The following SDK1 variants were observed in gnomAD, a reference collection of about 807,000 sequenced individuals.
The protein encoded by SDK1 is protein sidekick-1.
In SDK1, 157 loss-of-function variants were observed where a neutral mutation model predicts 245.5. The observed-to-expected ratio is 0.64, with a 90% CI of 0.56 to 0.73. The LOEUF (loss-of-function observed/expected upper bound fraction) is 0.73. Among genes scored for constraint, SDK1 ranks in the 30% least tolerant of loss-of-function variants. The pLI, the probability that SDK1 is intolerant of heterozygous loss-of-function variation, is 0.00. For missense variants in SDK1, 3,583 were observed against 3,002.3 expected, an observed-to-expected ratio of 1.19 and a Z score of -4.52; for synonymous variants, 1,647 against 1,278.5, an observed-to-expected ratio of 1.29 and a Z score of -6.15.
chr7:4,027,073 G>A (rs1487326792), intron 17 of SDK1, among the ~76,000 whole-genome samples: 1 of 152,198 alleles, frequency 6.6e-6, no homozygotes, highest in Admixed American at 6.5e-5. Context: ...TGTGCTTCTT[G>A]CATCGTGGGG....
At chr7:4,075,883 G>C (rs7789457) in intron 20 of SDK1, among the ~76,000 whole-genome samples, 61,102 of 151,866 alleles carry the variant, frequency 0.4, 14,428 homozygotes, top group African/African-American at 0.66. Context: ...CAACTCCTGA[G>C]CTCAGGTGGT....
intron 1 of SDK1, among the ~76,000 whole-genome samples, chr7:3,556,018 A>G (rs747162124): frequency 4.6e-5 from 7 of 152,228 alleles, no homozygotes; most frequent in Middle Eastern, 3.2e-3. Context: ...AGGTTTCTCA[A>G]AAAAGTAAAA....
intron 14 of SDK1, among the ~76,000 whole-genome samples, chr7:3,998,355 G>T (rs1303515413): frequency 2.6e-5 from 4 of 152,266 alleles, no homozygotes; most frequent in Non-Finnish European, 2.9e-5. Context: ...AAAGGAACAT[G>T]ATACTGACTT....
chr7:4,154,619 A>T (rs1780604465), intron 30 of SDK1, among the ~76,000 whole-genome samples: 1 of 152,162 alleles, frequency 6.6e-6, no homozygotes, highest in East Asian at 1.9e-4. Flanking sequence ...GCTGTGTGCC[A>T]CGATCCACCC....
intron 17 of SDK1, among the ~76,000 whole-genome samples, chr7:4,032,274 T>C (rs181123846): frequency 6.6e-6 from 1 of 152,336 alleles, no homozygotes. Context: ...AGTTTTGATA[T>C]TTGCCAATAT....
At chr7:4,015,587 GAT>G (rs1786329854) in intron 16 of SDK1, among the ~76,000 whole-genome samples, 1 of 152,194 alleles carries the variant, frequency 6.6e-6, no homozygotes, top group African/African-American at 2.4e-5. Context: ...CTACGTCGGT[GAT>G]CTGAACACCA....
At chr7:3,785,011 A>G (rs1346374004) in intron 4 of SDK1, among the ~76,000 whole-genome samples, 1 of 152,252 alleles carries the variant, frequency 6.6e-6, no homozygotes, top group Non-Finnish European at 1.5e-5. Flanking sequence ...GTAATGGAAT[A>G]CTATTCATCC....
intron 1 of SDK1, among the ~76,000 whole-genome samples, chr7:3,344,936 C>A (rs940262479): frequency 6.6e-6 from 1 of 152,188 alleles, no homozygotes; most frequent in Non-Finnish European, 1.5e-5. Context: ...CACACAAGCA[C>A]AAATTGACCT....
intron 1 of SDK1, among the ~76,000 whole-genome samples, chr7:3,489,808 G>C (rs1273004327): frequency 2.0e-5 from 3 of 152,190 alleles, no homozygotes; most frequent in African/African-American, 7.2e-5. Flanking sequence ...AGTATACATG[G>C]TAAATGCAGC....
At chr7:4,199,327 G>A (rs192175908) in intron 35 of SDK1, among the ~76,000 whole-genome samples, 9 of 152,276 alleles carry the variant, frequency 5.9e-5, no homozygotes, top group African/African-American at 1.9e-4. Context: ...TCCGCAAGCC[G>A]CAGAGCCGGT....
At chr7:4,021,055 G>A (rs1786850517) in intron 17 of SDK1, among the ~76,000 whole-genome samples, 1 of 152,170 alleles carries the variant, frequency 6.6e-6, no homozygotes, top group Admixed American at 6.5e-5. Flanking sequence ...CCTACTGACA[G>A]TAACATCAAA....
At chr7:3,639,152 A>AGTGTC (rs1782566736) in intron 3 of SDK1, 42 bp downstream of exon 3, 1 of 1,153,456 alleles carries the variant, frequency 8.7e-7, no homozygotes, top group African/African-American at 1.5e-5. Context: ...TAAAGAACAA[A>AGTGTC]GTGTCGCTGG....
chr7:3,529,582 GA>G (rs972967992), intron 1 of SDK1, among the ~76,000 whole-genome samples: 8 of 152,060 alleles, frequency 5.3e-5, no homozygotes, highest in African/African-American at 1.9e-4. Context: ...GTTTACGGTA[GA>G]ATGGCTGAGG....
At chr7:3,823,047 T>A (rs1157108454) in intron 5 of SDK1, among the ~76,000 whole-genome samples, 1 of 152,016 alleles carries the variant, frequency 6.6e-6, no homozygotes, top group Admixed American at 6.6e-5. Flanking sequence ...TGGCACAGAT[T>A]TAGGATGAGT....
In SDK1 at chr7:4,193,211, T is replaced by TATATATATTGTATATTA. The variant is rs1554257008; in HGVS notation, c.5099-12665_5099-12649dup. 1.4e-3 allele frequency among the ~76,000 whole-genome samples: 172 copies of TATATATATTGTATATTA among 119,018 alleles called. 1 individual carries two copies. The highest frequency in any genetic ancestry group is 5.4e-3 in the African/African-American group (165 of 30,306). 78.1% of individuals were successfully genotyped at this position (119,018 alleles called of 152,430 possible). Reference sequence around the variant, plus strand: ...ATATATTAATATATTTATATATTAATATATATATTGTATATTAATTGTATA... The same window carrying TATATATATTGTATATTA: ...ATATATTAATATATTTATATATTAATATATATATTGTATATTAATATATATTGTATATTAATTGTATA... On this transcript the variant is annotated intron_variant, in intron 35 of 44. Coordinates refer to ENST00000404826, the MANE Select transcript of SDK1 (RefSeq NM_152744.4).
intron 40 of SDK1, 188 bp from the exon 41 acceptor site, chr7:4,233,067 C>T: frequency 1.8e-6 from 1 of 568,080 alleles, no homozygotes; most frequent in Non-Finnish European, 3.2e-6. Flanking sequence ...TCACACCATT[C>T]ATCTCCAGAA....
chr7:3,999,458 C>T (rs970376935), intron 14 of SDK1, among the ~76,000 whole-genome samples: 1 of 152,170 alleles, frequency 6.6e-6, no homozygotes, highest in African/African-American at 2.4e-5. Flanking sequence ...GGATCAAGAC[C>T]GTCAGGGAAG....
chr7:4,209,629 G>A (rs1784412612), intron 37 of SDK1, among the ~76,000 whole-genome samples: 1 of 152,072 alleles, frequency 6.6e-6, no homozygotes, highest in African/African-American at 2.4e-5. Flanking sequence ...GGTCAAGAGA[G>A]GCTTCATCCA....
In SDK1 at chr7:3,845,488, C is replaced by CAAAAAA. The variant is rs369588343; in HGVS notation, c.847+23924_847+23929dup. Among the ~76,000 whole-genome samples, 26 of 40,172 alleles carry CAAAAAA rather than the reference C, an allele frequency of 6.5e-4. 2 individuals are homozygous for CAAAAAA. The highest frequency in any genetic ancestry group is 1.7e-3 in the African/African-American group (20 of 11,844). The allele number at this position is 40,172 out of a possible 152,430, so 26.4% of individuals were successfully genotyped here. A position where few individuals can be genotyped will look rare whatever the true frequency, so the allele number is the denominator to read the frequency against. On this transcript the variant is annotated intron_variant, in intron 5 of 44. Transcript: ENST00000404826. ...CTGGTGACAGAGTGAGACTCCGTCT[C>CAAAAAA]AAAAAAAAAAAAAAAAAAAAAAAAG... is the stretch of plus-strand genomic sequence containing the variant.
Sources: allele counts gnomAD v4.1 joint callset (sites outside exome capture counted in the v4.1 genomes callset), GRCh38; gene constraint gnomAD v4.1.1; transcripts MANE v1.5; gene names NCBI Gene and HGNC (gene_info 2026-07-23, HGNC 2026-07-21).